EPHA6: variants seen among roughly 807,000 people sequenced by gnomAD.
EPHA6 encodes the protein ephrin type-A receptor 6.
In EPHA6, 50 loss-of-function variants were observed where a neutral mutation model predicts 112.0. The ratio of observed to expected loss-of-function variants is 0.45; its 90% CI spans 0.36 to 0.56. The LOEUF is 0.56. Among genes scored for constraint, EPHA6 ranks in the 20% least tolerant of loss-of-function variants. The pLI is 0.00. For synonymous variants in EPHA6, 529 were observed against 490.7 expected, an observed-to-expected ratio of 1.08 and a Z score of -1.03; for missense variants, 1,280 against 1,417.4, an observed-to-expected ratio of 0.90 and a Z score of 1.56.
chr3:97,285,532 T>C (rs1428673475), intron 5 of EPHA6, among the ~76,000 whole-genome samples: 1 of 152,154 alleles, frequency 6.6e-6, no homozygotes, highest in Non-Finnish European at 1.5e-5. Context: ...TTTGTATTGA[T>C]ATTGCTGCAT....
intron 5 of EPHA6, among the ~76,000 whole-genome samples, chr3:97,328,062 T>C (rs977169158): frequency 4.8e-5 from 7 of 145,240 alleles, no homozygotes; most frequent in African/African-American, 1.0e-4. Flanking sequence ...CACATATATA[T>C]ATATATATAT....
At chr3:97,189,284 C>A (rs1168462154) in intron 3 of EPHA6, among the ~76,000 whole-genome samples, 1 of 151,910 alleles carries the variant, frequency 6.6e-6, no homozygotes, top group Non-Finnish European at 1.5e-5. Flanking sequence ...GAAAGGTGTT[C>A]TTTAAATACT....
chr3:97,187,905 A>T (rs1403152680), intron 3 of EPHA6, among the ~76,000 whole-genome samples: 1 of 152,124 alleles, frequency 6.6e-6, no homozygotes, highest in Middle Eastern at 3.4e-3. Flanking sequence ...AATCTTTTAC[A>T]CTCTCCCAAA....
intron 14 of EPHA6, among the ~76,000 whole-genome samples, chr3:97,707,081 T>G (rs1475340292): frequency 1.3e-5 from 2 of 152,198 alleles, no homozygotes; most frequent in Non-Finnish European, 2.9e-5. Context: ...ATCCCTGCTT[T>G]CTTTTTTTCC....
chr3:97,568,073 G>T (rs2093290437), intron 11 of EPHA6, among the ~76,000 whole-genome samples: 1 of 152,124 alleles, frequency 6.6e-6, no homozygotes, highest in South Asian at 2.1e-4. Flanking sequence ...GCTCTGGATT[G>T]GTTAGTTTAC....
intron 7 of EPHA6, among the ~76,000 whole-genome samples, chr3:97,474,673 G>A (rs1237657952): frequency 6.6e-6 from 1 of 151,972 alleles, no homozygotes; most frequent in African/African-American, 2.4e-5. Flanking sequence ...CAGAAGATTA[G>A]TAAAACATGC....
intron 2 of EPHA6, among the ~76,000 whole-genome samples, chr3:96,933,758 G>T (rs1158743148): frequency 2.6e-5 from 4 of 152,062 alleles, no homozygotes; most frequent in Admixed American, 1.3e-4. Flanking sequence ...ATTTTAAAGT[G>T]AAATAGGAAG....
At position 97,307,151 on chromosome 3, in the gene EPHA6, A is replaced by G. The variant is rs148042801; in HGVS notation, c.1606+62864A>G. ...TAGAAATATCTGGTTATATCTAGTT[A>G]TTTAAGGACCTATGGCTTCTGCACA... On this transcript the variant is annotated intron_variant, in intron 5 of 17. Transcript: ENST00000389672. Among the ~76,000 whole-genome samples the G allele has an allele frequency of 2.3e-3, 345 of 151,864 alleles. 1 individual carries two copies. The highest frequency in any genetic ancestry group is 7.9e-3 in the African/African-American group (327 of 41,476).
intron 5 of EPHA6, among the ~76,000 whole-genome samples, chr3:97,327,736 G>A (rs560742036): frequency 4.4e-4 from 67 of 151,058 alleles, no homozygotes; most frequent in Admixed American, 4.0e-4. Flanking sequence ...TATAACTTTC[G>A]GATATTTGCT....
At chr3:97,422,030 A>T (rs1362615100) in intron 6 of EPHA6, among the ~76,000 whole-genome samples, 2 of 152,010 alleles carry the variant, frequency 1.3e-5, no homozygotes, top group Admixed American at 1.3e-4. Flanking sequence ...AATAGAGAAC[A>T]ATTTCCTTTC....
intron 1 of EPHA6, among the ~76,000 whole-genome samples, chr3:96,860,684 G>T (rs1046451572): frequency 6.6e-6 from 1 of 151,982 alleles, no homozygotes. Context: ...GCTAAATGGG[G>T]CACTTCTTTG....
intron 14 of EPHA6, among the ~76,000 whole-genome samples, chr3:97,659,773 A>C (rs1173889089): frequency 6.6e-6 from 1 of 152,066 alleles, no homozygotes; most frequent in African/African-American, 2.4e-5. Flanking sequence ...CTTATATATT[A>C]ATGAATTTTG....
intron 1 of EPHA6, among the ~76,000 whole-genome samples, chr3:96,835,915 A>G (rs2034382746): frequency 6.6e-6 from 1 of 152,106 alleles, no homozygotes; most frequent in Non-Finnish European, 1.5e-5. Flanking sequence ...GGCAAGAAAA[A>G]TTATGCAAAA....
chr3:97,609,164 G>A (rs1256694325), intron 12 of EPHA6, among the ~76,000 whole-genome samples: 1 of 151,458 alleles, frequency 6.6e-6, no homozygotes, highest in East Asian at 1.9e-4. Context: ...CTGCAGGCAG[G>A]GGAAGAAGAC....
At chr3:97,546,954 T>G (rs1473494864) in intron 11 of EPHA6, among the ~76,000 whole-genome samples, 2 of 152,240 alleles carry the variant, frequency 1.3e-5, no homozygotes, top group African/African-American at 4.8e-5. Context: ...GTTATTCTAG[T>G]TATCCATTCG....
At position 97,650,640 on chromosome 3, in the gene EPHA6, T is replaced by C. The variant is rs182830271; in HGVS notation, c.2784+12558T>C. ...AACCTCTATATTTTATTTGTACAAA[T>C]CACACACAAAAAAGAACCTAAAAAA... On this transcript the variant is annotated intron_variant, in intron 14 of 17. Transcript: ENST00000389672. Among the ~76,000 whole-genome samples, 47 of 151,928 alleles carry C rather than the reference T, an allele frequency of 3.1e-4. No individual in the cohort carries two copies. In the East Asian group the frequency reaches 8.9e-3, roughly 29 times the overall value.
intron 3 of EPHA6, among the ~76,000 whole-genome samples, chr3:97,146,221 C>T (rs1180095351): frequency 3.3e-5 from 5 of 151,904 alleles, no homozygotes; most frequent in East Asian, 1.9e-4. Context: ...GTTTCCATGA[C>T]AAAGTTTTCT....
intron 5 of EPHA6, among the ~76,000 whole-genome samples, chr3:97,290,253 T>A (rs2080628772): frequency 1.3e-5 from 2 of 152,144 alleles, no homozygotes; most frequent in Admixed American, 1.3e-4. Flanking sequence ...TTCCATGTAA[T>A]TGTGTGGTTT....
rs570022502 is a variant in EPHA6, at chr3:97,519,967, A to ATTT, written c.2201-12375_2201-12373dup. Among the ~76,000 whole-genome samples the ATTT allele has an allele frequency of 3.4e-3, 459 of 133,724 alleles. 3 individuals carry two copies. Among genetic ancestry groups the ATTT allele is most frequent in the African/African-American group, 0.012 (432 of 36,322 alleles). 87.7% of individuals were successfully genotyped at this position (133,724 alleles called of 152,430 possible). ...TTTCCTTTTTTCTAGTTTGGATGCAATTTTTTTTTTTTTTTTTTGAGACAG... is the reference window on the plus strand; with the variant it reads ...TTTCCTTTTTTCTAGTTTGGATGCAATTTTTTTTTTTTTTTTTTTTTGAGACAG... On this transcript the variant is annotated intron_variant, in intron 10 of 17. Coordinates refer to ENST00000389672, the MANE Select transcript of EPHA6 (RefSeq NM_001080448.3).
Sources: gnomAD v4.1 joint callset for allele counts (sites outside exome capture counted in the v4.1 genomes callset) on GRCh38, gnomAD v4.1.1 for gene constraint, MANE v1.5 for transcripts, NCBI Gene and HGNC (gene_info 2026-07-23, HGNC 2026-07-21) for gene names.